The following PPP1R21 variants were observed in gnomAD, a reference collection of about 807,000 sequenced individuals.
PPP1R21 encodes protein phosphatase 1 regulatory subunit 21.
PPP1R21 carries 85 observed loss-of-function variants against 112.8 expected under a neutral mutation model. The ratio of observed to expected loss-of-function variants is 0.75; its 90% CI spans 0.63 to 0.90. PPP1R21 has a LOEUF of 0.90. Among genes scored for constraint, PPP1R21 ranks in the 40% least tolerant of loss-of-function variants. The probability of loss-of-function intolerance (pLI) is 0.00; values close to 1 mark genes in which losing one functional copy is unlikely to be tolerated. For synonymous variants in PPP1R21, 381 were observed against 322.3 expected (o/e 1.18, Z -1.95); for missense variants, 1,199 against 901.5 (o/e 1.33, Z -4.23).
rs1338127492 is a variant in PPP1R21 at position 48,507,250 on chromosome 2, G to A, written c.1969-19G>A. On this transcript the variant is annotated intron_variant, in intron 18 of 21. Coordinates refer to ENST00000294952, the MANE Select transcript of PPP1R21 (RefSeq NM_001135629.3). Reference sequence around the variant, plus strand: ...CTCACTGGTACTTGTTTATTTATGTGTATTTGTGTTCTATTTAGGTTCCAG... The same window carrying A: ...CTCACTGGTACTTGTTTATTTATGTATATTTGTGTTCTATTTAGGTTCCAG... 6.9e-7 allele frequency: 1 copy of A among 1,454,316 alleles called. No homozygotes were observed. The highest frequency in any genetic ancestry group is 1.5e-5 in the African/African-American group (1 of 65,320). 90.1% of individuals were successfully genotyped at this position (1,454,316 alleles called of 1,614,324 possible). A position where few individuals can be genotyped will look rare whatever the true frequency, so the allele number is the denominator to read the frequency against.
intron 4 of PPP1R21, 74 bp downstream of exon 4, chr2:48,458,301 A>G (rs1667813545): frequency 2.1e-6 from 2 of 941,614 alleles, no homozygotes; most frequent in African/African-American, 1.6e-5. Flanking sequence ...GCTAATGCAC[A>G]TAGAGTGTTT....
chr2:48,471,325 A>G lies in PPP1R21; in HGVS notation c.1046A>G (p.Tyr349Cys). The G allele has an allele frequency of 1.2e-6, 2 of 1,610,578 alleles. No individual in the cohort carries two copies. The highest frequency in any genetic ancestry group is 1.7e-6 in the Non-Finnish European group (2 of 1,178,998). ...ACTTTTTCAGAACACTTAACCTCCTACATATGTTTTCTTAGGAAGATTCTT... is the reference window on the plus strand; with the variant it reads ...ACTTTTTCAGAACACTTAACCTCCTGCATATGTTTTCTTAGGAAGATTCTT... ...LKTFSEHLTS[Y>C]ICFLRKILPY... is the part of the protein sequence containing the mutation. The change falls in exon 11 of 22, where the codon TAC becomes TGC. Residue 349 changes from tyrosine to cysteine, a missense_variant. Transcript: ENST00000294952.
At chr2:48,507,484 C>G in intron 19 of PPP1R21, 99 bp downstream of exon 19, 7 of 1,510,002 alleles carry the variant, frequency 4.6e-6, no homozygotes, top group Non-Finnish European at 6.1e-6. Flanking sequence ...AGAGAGAAGT[C>G]AGTGTCCCAA....
intron 2 of PPP1R21, among the ~76,000 whole-genome samples, chr2:48,452,277 G>C (rs1014792520): frequency 2.6e-5 from 4 of 152,126 alleles, no homozygotes; most frequent in Non-Finnish European, 5.9e-5. Context: ...AGTGGTAGGC[G>C]TGGTGACAGC....
chr2:48,449,730 T>A (rs868251458), intron 1 of PPP1R21, among the ~76,000 whole-genome samples: 19 of 152,188 alleles, frequency 1.2e-4, no homozygotes, highest in Middle Eastern at 6.8e-3. Flanking sequence ...GAAAGATTTT[T>A]AAAAATTTTT....
Position 48,451,026 on chromosome 2 carries a change from G to C in PPP1R21, c.76G>C (p.Val26Leu). Residue 26 changes from valine (V) to leucine (L), a missense_variant, in exon 2 of 22, where the codon GTT (valine) becomes CTT (leucine). Coordinates refer to ENST00000294952, the MANE Select transcript of PPP1R21 (RefSeq NM_001135629.3). Reference protein sequence around the residue: ...EYSKLRAQNQVLKKGVVDEQA... With the variant: ...EYSKLRAQNQLLKKGVVDEQA... ...TTTTCAGCTTCGGGCTCAGAATCAG[G>C]TTCTGAAAAAAGGTGTTGTGGATGA... The C allele has an allele frequency of 6.2e-7, 1 of 1,613,606 alleles. No individual in the cohort carries two copies.
chr2:48,452,001 G>C (rs957688534), intron 2 of PPP1R21, among the ~76,000 whole-genome samples: 4 of 152,164 alleles, frequency 2.6e-5, no homozygotes, highest in Non-Finnish European at 5.9e-5. Context: ...GGTTGAGATG[G>C]TTCTGAACAC....
At chr2:48,499,418 C>T (rs1183978080) in intron 17 of PPP1R21, among the ~76,000 whole-genome samples, 1 of 152,108 alleles carries the variant, frequency 6.6e-6, no homozygotes, top group Non-Finnish European at 1.5e-5. Flanking sequence ...ATGCCTAATT[C>T]TTTAATAGAA....
chr2:48,466,686 A>T (rs1353297439), intron 9 of PPP1R21, among the ~76,000 whole-genome samples: 1 of 152,168 alleles, frequency 6.6e-6, no homozygotes, highest in Non-Finnish European at 1.5e-5. Flanking sequence ...AGGTTTAAAT[A>T]GGAGGAGAGA....
chr2:48,454,886 C>G, intron 3 of PPP1R21, 145 bp downstream of exon 3: 1 of 659,540 alleles, frequency 1.5e-6, no homozygotes, highest in Non-Finnish European at 2.7e-6. Context: ...GCCACCCATG[C>G]TGGAGTGCTG....
intron 1 of PPP1R21, 58 bp from the exon 2 acceptor site, chr2:48,450,950 C>A: frequency 7.0e-7 from 1 of 1,419,658 alleles, no homozygotes; most frequent in African/African-American, 1.4e-5. Context: ...GATGTGATTT[C>A]CTTGATATAA....
chr2:48,495,064 A>G (rs1275139827), intron 15 of PPP1R21, among the ~76,000 whole-genome samples: 2 of 152,240 alleles, frequency 1.3e-5, no homozygotes, highest in African/African-American at 4.8e-5. Flanking sequence ...CTGAAAGTGA[A>G]AAACAGAATG....
chr2:48,473,816 A>C (rs572324897), intron 11 of PPP1R21, among the ~76,000 whole-genome samples: 33 of 152,302 alleles, frequency 2.2e-4, no homozygotes, highest in Admixed American at 1.3e-3. Context: ...TTTTTTAAAA[A>C]CCTTGTAATT....
chr2:48,507,841 G>T (rs1670457246), intron 19 of PPP1R21, among the ~76,000 whole-genome samples: 1 of 123,946 alleles, frequency 8.1e-6, no homozygotes, highest in East Asian at 2.7e-4. Context: ...TCTTGGCTCA[G>T]TACAACCTCC....
chr2:48,479,639 A>G, intron 12 of PPP1R21: 1 of 596,624 alleles, frequency 1.7e-6, no homozygotes, highest in South Asian at 1.6e-5. Context: ...AACATTCACA[A>G]AGACTTTCGT....
intron 9 of PPP1R21, among the ~76,000 whole-genome samples, chr2:48,467,938 A>G (rs1572850207): frequency 6.6e-6 from 1 of 152,208 alleles, no homozygotes; most frequent in Admixed American, 6.5e-5. Context: ...TTCGTCCTAC[A>G]TAACCTGATT....
chr2:48,513,548 A>G (rs1670733722), intron 21 of PPP1R21, among the ~76,000 whole-genome samples: 1 of 152,160 alleles, frequency 6.6e-6, no homozygotes, highest in African/African-American at 2.4e-5. Context: ...AATACCAGCC[A>G]TTAATAAAAC....
chr2:48,462,383 C>T (rs1668014062), intron 7 of PPP1R21, among the ~76,000 whole-genome samples: 1 of 152,172 alleles, frequency 6.6e-6, no homozygotes, highest in South Asian at 2.1e-4. Context: ...ATAAACTAGA[C>T]TGTGCCATAA....
At chr2:48,479,387 G>C (rs1668902206) in intron 12 of PPP1R21, 1 of 441,518 alleles carries the variant, frequency 2.3e-6, no homozygotes, top group Non-Finnish European at 4.7e-6. Context: ...TTATTACTGA[G>C]TTGTTACAGA....
Sources: gnomAD v4.1 joint callset for allele counts (sites outside exome capture counted in the v4.1 genomes callset) on GRCh38, gnomAD v4.1.1 for gene constraint, MANE v1.5 for transcripts, NCBI Gene and HGNC (gene_info 2026-07-23, HGNC 2026-07-21) for gene names.